Variants in TMEM201 observed in about 807,000 individuals in gnomAD.
The protein encoded by TMEM201 is RP13-15M17.2.
In TMEM201, 26 loss-of-function variants were observed where a neutral mutation model predicts 63.4. That is an observed-to-expected ratio of 0.41 (90% CI 0.30 to 0.57). TMEM201 has a LOEUF of 0.57. Among genes scored for constraint, TMEM201 ranks in the 20% least tolerant of loss-of-function variants. TMEM201 has a pLI of 0.29. For synonymous variants in TMEM201, 417 were observed against 421.6 expected, an observed-to-expected ratio of 0.99 and a Z score of 0.14; for missense variants, 794 against 917.7, an observed-to-expected ratio of 0.87 and a Z score of 1.74.
Position 9,601,323 on chromosome 1 carries a change from G to C in TMEM201, c.825G>C (p.Leu275=). Residue 275 remains leucine, a synonymous_variant, in exon 5 of 11, where the codon CTG becomes CTC. Transcript: ENST00000340381. ...TPGAEGWRQL[L]GLLPEHMAEK... The stretch of plus-strand genomic sequence containing the variant: ...GGGCCGAGGGCTGGCGGCAGTTGCT[G>C]GGCCTACTCCCCGAGCACATGGCGG... The C allele has an allele frequency of 1.2e-6, 2 of 1,609,294 alleles. No homozygotes were observed. Among genetic ancestry groups the C allele is most frequent in the Non-Finnish European group, 1.7e-6 (2 of 1,179,884 alleles).
In TMEM201 at chr1:9,603,135, C is replaced by T; in HGVS notation, c.1160+863C>T. ...GTCATCCTTTCCCTCCCTGACCTGTCACGAGCCTCTGCAGGTGCCTGCTCA... is the reference window on the plus strand; with the variant it reads ...GTCATCCTTTCCCTCCCTGACCTGTTACGAGCCTCTGCAGGTGCCTGCTCA... On this transcript the variant is annotated intron_variant, in intron 6 of 10. Transcript: ENST00000340381. The surrounding 1 kb of genome is among the most constrained non-coding windows in gnomAD (Gnocchi z 4.5). 1.0e-6 allele frequency: 1 copy of T among 985,544 alleles called. No homozygotes were observed. Among genetic ancestry groups the T allele is most frequent in the Non-Finnish European group, 1.2e-6 (1 of 830,014 alleles). The allele number at this position is 985,544 out of a possible 1,614,324, so 61.0% of individuals were successfully genotyped here.
At chr1:9,606,254 C>G (rs1057245778) in intron 6 of TMEM201, 1 of 152,278 alleles carries the variant, frequency 6.6e-6, no homozygotes, top group African/African-American at 2.4e-5. Flanking sequence ...GGTCAGCAGG[C>G]GGAACAAGGA....
Position 9,604,007 on chromosome 1 carries a change from G to C in TMEM201, c.1160+1735G>C. The stretch of plus-strand genomic sequence containing the variant: ...AAGCGGCCCCCCATGGTGTCTACCT[G>C]AGGGGCAGGGAACCGCCTGCCTGTG... On this transcript the variant is annotated intron_variant, in intron 6 of 10. Transcript: ENST00000340381. The surrounding 1 kb of genome is among the most constrained non-coding windows in gnomAD (Gnocchi z 4.1). 1 of 985,472 alleles carries C rather than the reference G, an allele frequency of 1.0e-6. No homozygotes were observed. The highest frequency in any genetic ancestry group is 4.7e-5 in the South Asian group (1 of 21,290). 61.0% of individuals were successfully genotyped at this position (985,472 alleles called of 1,614,324 possible).
At chr1:9,602,310 C>A (rs1376512167) in intron 6 of TMEM201, 38 bp downstream of exon 6, 2 of 1,604,044 alleles carry the variant, frequency 1.2e-6, no homozygotes, top group Non-Finnish European at 1.7e-6. Flanking sequence ...GGAGGACACA[C>A]GGATGCTCAG....
At chr1:9,596,787 C>A in intron 2 of TMEM201, 72 bp from the exon 3 acceptor site, 3 of 1,488,824 alleles carry the variant, frequency 2.0e-6, no homozygotes, top group Non-Finnish European at 2.7e-6. Flanking sequence ...CGGGGCGGGC[C>A]CCCAGGGACA....
rs945406292 is a variant in TMEM201 at position 9,603,914 on chromosome 1, C to A, written c.1160+1642C>A. 2.0e-6 allele frequency: 2 copies of A among 985,344 alleles called. No individual in the cohort carries two copies. Among genetic ancestry groups the A allele is most frequent in the African/African-American group, 3.5e-5 (2 of 57,236 alleles). 61.0% of individuals were successfully genotyped at this position (985,344 alleles called of 1,614,324 possible). Reference sequence around the variant, plus strand: ...TGGAGCGTGAGGTGAGAAAACCCCTCTGAAAAGATGTGGTCGGGGCCACGC... The same window carrying A: ...TGGAGCGTGAGGTGAGAAAACCCCTATGAAAAGATGTGGTCGGGGCCACGC... On this transcript the variant is annotated intron_variant, in intron 6 of 10. Transcript: ENST00000340381. The surrounding 1 kb of genome is among the most constrained non-coding windows in gnomAD (Gnocchi z 4.5).
At chr1:9,601,004 G>A (rs1262710782) in intron 4 of TMEM201, 101 bp from the exon 5 acceptor site, 4 of 1,062,362 alleles carry the variant, frequency 3.8e-6, no homozygotes, top group Non-Finnish European at 4.1e-6. Context: ...GGATGTGTGA[G>A]AACATGGGTC....
chr1:9,588,976 C>A lies in TMEM201; in HGVS notation c.46C>A (p.Leu16Met). Residue 16 changes from leucine to methionine, a missense_variant, in exon 1 of 11, where the codon CTG (leucine) becomes ATG (methionine). Physicochemically the swap from Leu to Met is conservative, Grantham distance 15. Coordinates refer to ENST00000340381, the MANE Select transcript of TMEM201 (RefSeq NM_001130924.3). Reference sequence around the variant, plus strand: ...GCTGGCCCGCTGCCCCACGGCCGGCCTGGCCGGCGGCCTGGGGGTCACGGC... The same window carrying A: ...GCTGGCCCGCTGCCCCACGGCCGGCATGGCCGGCGGCCTGGGGGTCACGGC... ...ALLARCPTAGLAGGLGVTACA... is the reference protein window; with the variant it reads ...ALLARCPTAGMAGGLGVTACA... The A allele has an allele frequency of 8.0e-7, 1 of 1,247,098 alleles. No homozygotes were observed. 77.3% of individuals were successfully genotyped at this position (1,247,098 alleles called of 1,614,324 possible). A position where few individuals can be genotyped will look rare whatever the true frequency, so the allele number is the denominator to read the frequency against.
chr1:9,607,007 G>C lies in TMEM201; in HGVS notation c.1161-550G>C, dbSNP rs1195995475. Among the ~76,000 whole-genome samples, 2 of 152,194 alleles carry C rather than the reference G, an allele frequency of 1.3e-5. No homozygotes were observed. Among genetic ancestry groups the C allele is most frequent in the Non-Finnish European group, 2.9e-5 (2 of 68,022 alleles). On this transcript the variant is annotated intron_variant, in intron 6 of 10. Transcript: ENST00000340381. This position sits in a 1 kb window ranked among gnomAD's most constrained non-coding sequence, Gnocchi z 5.4. ...CAGGAGGCAGCCTTCTAAGGGCAGA[G>C]CTGTGGGAGGACTTCCAGGAATCAC...
At chr1:9,597,456 C>A (rs967447702) in intron 3 of TMEM201, among the ~76,000 whole-genome samples, 2 of 152,212 alleles carry the variant, frequency 1.3e-5, no homozygotes, top group African/African-American at 4.8e-5. Context: ...GCCTTGCCTG[C>A]TGGTGGCCCC....
chr1:9,601,464 G>C lies in TMEM201; in HGVS notation c.956+10G>C, dbSNP rs1450406012. 1 of 1,569,772 alleles carries C rather than the reference G, an allele frequency of 6.4e-7. No homozygotes were observed. The highest frequency in any genetic ancestry group is 8.6e-7 in the Non-Finnish European group (1 of 1,162,048). ...TGGCTGGCCGCATCAGGTGTGCATG[G>C]GGCCAGGGCCAGGAGTTGGCGGGCA... On this transcript the variant is annotated intron_variant, in intron 5 of 10. Coordinates refer to ENST00000340381, the MANE Select transcript of TMEM201 (RefSeq NM_001130924.3).
rs1357215591 is a variant in TMEM201 at position 9,610,727 on chromosome 1, C to T, written c.1687C>T (p.His563Tyr). ...CAGCAGCTCCGATGAGCACTCGCCT[C>T]ACAACGGCAGCCTCTTCACCATGGA... ...TPSSSDEHSP[H>Y]NGSLFTMEPP... The change falls in exon 9 of 11, where the codon CAC (histidine) becomes TAC (tyrosine). Residue 563 changes from histidine to tyrosine, a missense_variant. Coordinates refer to ENST00000340381, the MANE Select transcript of TMEM201 (RefSeq NM_001130924.3). This position sits in a 1 kb window ranked among gnomAD's most constrained non-coding sequence, Gnocchi z 4.9. The T allele has an allele frequency of 1.3e-6, 2 of 1,550,296 alleles. No homozygotes were observed. Among genetic ancestry groups the T allele is most frequent in the South Asian group, 1.2e-5 (1 of 84,060 alleles).
At chr1:9,602,294 G>T (rs757215717) in intron 6 of TMEM201, 22 bp downstream of exon 6, 2 of 1,608,994 alleles carry the variant, frequency 1.2e-6, no homozygotes, top group African/African-American at 1.3e-5. Flanking sequence ...AGCCATGACT[G>T]CGGGGGGAGG....
Position 9,604,268 on chromosome 1 carries a change from A to G in TMEM201, c.1160+1996A>G, listed in dbSNP as rs1037477686. The G allele has an allele frequency of 7.1e-6, 7 of 985,466 alleles. No homozygotes were observed. Among genetic ancestry groups the G allele is most frequent in the Non-Finnish European group, 7.2e-6 (6 of 829,938 alleles). 61.0% of individuals were successfully genotyped at this position (985,466 alleles called of 1,614,324 possible). The stretch of plus-strand genomic sequence containing the variant: ...TAGATTATTTATAATAACCAGAGCC[A>G]GCCCTCGCGCTGGCCAGGATCCTCC... On this transcript the variant is annotated intron_variant, in intron 6 of 10. Coordinates refer to ENST00000340381, the MANE Select transcript of TMEM201 (RefSeq NM_001130924.3). The surrounding 1 kb of genome is among the most constrained non-coding windows in gnomAD (Gnocchi z 4.1).
rs1444183530 is a variant in TMEM201 at position 9,603,285 on chromosome 1, AGGT to A, written c.1160+1016_1160+1018del. ...GCCTCAGTTTGCCATCTATGAAATG[AGGT>A]GGACCCCTCTCCATAGCCCTTGGGT... On this transcript the variant is annotated intron_variant, in intron 6 of 10. Transcript: ENST00000340381. This position sits in a 1 kb window ranked among gnomAD's most constrained non-coding sequence, Gnocchi z 4.5. The A allele has an allele frequency of 2.0e-5, 20 of 984,380 alleles. No individual in the cohort carries two copies. The highest frequency in any genetic ancestry group is 1.6e-5 in the Non-Finnish European group (13 of 829,086). 61.0% of individuals were successfully genotyped at this position (984,380 alleles called of 1,614,324 possible).
intron 4 of TMEM201, among the ~76,000 whole-genome samples, chr1:9,600,407 G>A (rs1412884226): frequency 2.6e-5 from 4 of 152,178 alleles, no homozygotes; most frequent in African/African-American, 9.7e-5. Context: ...GCTTAGGAGT[G>A]CACCACCAAG....
At chr1:9,596,124 C>A (rs1377506574) in intron 2 of TMEM201, 114 bp downstream of exon 2, 4 of 1,350,348 alleles carry the variant, frequency 3.0e-6, no homozygotes, top group Non-Finnish European at 4.0e-6. Context: ...GACCCCACAC[C>A]CTCATACCCT....
chr1:9,607,816 C>T lies in TMEM201; in HGVS notation c.1393+27C>T. 1 of 1,546,052 alleles carries T rather than the reference C, an allele frequency of 6.5e-7. No homozygotes were observed. Among genetic ancestry groups the T allele is most frequent in the Non-Finnish European group, 8.7e-7 (1 of 1,143,094 alleles). On this transcript the variant is annotated intron_variant, in intron 7 of 10. Transcript: ENST00000340381. This position sits in a 1 kb window ranked among gnomAD's most constrained non-coding sequence, Gnocchi z 5.4. ...TAAGGGGTGCCCAGGCATTGGCAGA[C>T]AGTCAGGGCTAGGGGCAGCTGGGAC... is the stretch of plus-strand genomic sequence containing the variant.
intron 1 of TMEM201, among the ~76,000 whole-genome samples, chr1:9,595,668 C>G (rs1163803748): frequency 6.6e-6 from 1 of 152,178 alleles, no homozygotes; most frequent in Non-Finnish European, 1.5e-5. Flanking sequence ...GCCTCCCTGT[C>G]TGGTCCTGGG....
Sources: gnomAD v4.1 joint callset for allele counts (sites outside exome capture counted in the v4.1 genomes callset) on GRCh38, gnomAD v4.1.1 for gene constraint, Gnocchi (gnomAD v3.1) non-coding constraint, MANE v1.5 for transcripts, NCBI Gene and HGNC (gene_info 2026-07-23, HGNC 2026-07-21) for gene names.